The following CDH13 variants were observed in gnomAD, a reference collection of about 807,000 sequenced individuals.
The protein encoded by CDH13 is cadherin-13.
Under a neutral mutation model 63.8 loss-of-function variants are expected in CDH13, and 24 were observed. That is an observed-to-expected ratio of 0.38 (90% confidence interval 0.27 to 0.53). The LOEUF (loss-of-function observed/expected upper bound fraction) is 0.53, where lower values mean the gene tolerates loss of function less well. Among genes scored for constraint, CDH13 ranks in the 20% least tolerant of loss-of-function variants. The pLI is 0.85. For synonymous variants in CDH13, 503 were observed against 355.3 expected, an observed-to-expected ratio of 1.42 and a Z score of -4.67; for missense variants, 1,049 against 903.1, an observed-to-expected ratio of 1.16 and a Z score of -2.07.
At chr16:83,513,207 TCAAA>T (rs2074616164) in intron 7 of CDH13, among the ~76,000 whole-genome samples, 1 of 152,080 alleles carries the variant, frequency 6.6e-6, no homozygotes, top group Non-Finnish European at 1.5e-5. Context: ...CTTCAAAGCA[TCAAA>T]CAAAGATCCA....
intron 4 of CDH13, among the ~76,000 whole-genome samples, chr16:83,178,678 G>T (rs1201379670): frequency 6.6e-6 from 1 of 152,142 alleles, no homozygotes; most frequent in Non-Finnish European, 1.5e-5. Context: ...CTGTGTTCAT[G>T]AATAACGCTT....
chr16:83,784,308 C>G (rs1000669839), intron 13 of CDH13, among the ~76,000 whole-genome samples: 2 of 152,082 alleles, frequency 1.3e-5, no homozygotes, highest in Admixed American at 1.3e-4. Context: ...ATATAAAGCT[C>G]TGTGCAAGAC....
chr16:83,712,042 C>A (rs1908138617), intron 10 of CDH13, among the ~76,000 whole-genome samples: 1 of 152,238 alleles, frequency 6.6e-6, no homozygotes, highest in Non-Finnish European at 1.5e-5. Context: ...AGTCTTCCCT[C>A]TCTGTCTGTC....
intron 7 of CDH13, among the ~76,000 whole-genome samples, chr16:83,549,389 G>A (rs542445337): frequency 2.6e-5 from 4 of 152,278 alleles, no homozygotes; most frequent in East Asian, 3.9e-4. Flanking sequence ...CCACATCAGC[G>A]TTTTGAACAA....
chr16:83,528,172 T>G (rs2075004965), intron 7 of CDH13, among the ~76,000 whole-genome samples: 1 of 152,208 alleles, frequency 6.6e-6, no homozygotes, highest in South Asian at 2.1e-4. Context: ...ATATTCAGCT[T>G]TAATCACACT....
At chr16:83,027,429 AG>A (rs955869724) in intron 2 of CDH13, among the ~76,000 whole-genome samples, 1 of 152,206 alleles carries the variant, frequency 6.6e-6, no homozygotes, top group Admixed American at 6.5e-5. Context: ...AACAGGGTGA[AG>A]AAGGTGAGAA....
intron 8 of CDH13, among the ~76,000 whole-genome samples, chr16:83,618,246 G>A (rs1473956909): frequency 6.6e-6 from 1 of 151,742 alleles, no homozygotes; most frequent in Non-Finnish European, 1.5e-5. Flanking sequence ...GCAACATAGT[G>A]AAACCTTGTC....
At chr16:82,719,730 C>A (rs1042237325) in intron 1 of CDH13, among the ~76,000 whole-genome samples, 1 of 151,356 alleles carries the variant, frequency 6.6e-6, no homozygotes, top group Non-Finnish European at 1.5e-5. Context: ...TCTATAATCC[C>A]GGCTACTCGG....
intron 4 of CDH13, among the ~76,000 whole-genome samples, chr16:83,212,371 G>A (rs776319519): frequency 6.6e-6 from 1 of 152,222 alleles, no homozygotes; most frequent in East Asian, 1.9e-4. Context: ...CTTCCTCCTG[G>A]ATCTAAACTA....
chr16:83,198,246 T>C (rs911674855), intron 4 of CDH13, among the ~76,000 whole-genome samples: 1 of 152,068 alleles, frequency 6.6e-6, no homozygotes, highest in African/African-American at 2.4e-5. Context: ...GCACTCTTTT[T>C]AGTATATTCT....
intron 4 of CDH13, among the ~76,000 whole-genome samples, chr16:83,171,967 C>G (rs543630501): frequency 3.3e-5 from 5 of 152,196 alleles, no homozygotes; most frequent in Non-Finnish European, 7.4e-5. Context: ...GGACATTAGC[C>G]CCATTCTCAG....
intron 3 of CDH13, among the ~76,000 whole-genome samples, chr16:83,080,780 G>A (rs188108183): frequency 1.3e-5 from 2 of 150,626 alleles, no homozygotes; most frequent in African/African-American, 4.9e-5. Flanking sequence ...TACATGAATA[G>A]TATGGGAATC....
intron 3 of CDH13, among the ~76,000 whole-genome samples, chr16:83,081,759 TTCCATCA>T (rs1390380344): frequency 6.6e-6 from 1 of 151,804 alleles, no homozygotes; most frequent in Non-Finnish European, 1.5e-5. Flanking sequence ...ATGGTACTAA[TTCCATCA>T]TCGGGTTCCA....
intron 1 of CDH13, among the ~76,000 whole-genome samples, chr16:82,635,767 T>A (rs758286887): frequency 7.2e-5 from 11 of 152,264 alleles, no homozygotes; most frequent in Middle Eastern, 3.4e-3. Flanking sequence ...CATATTGTAA[T>A]CCCTAATGTT....
At position 83,015,677 on chromosome 16, in the gene CDH13, GTATATATA is replaced by G. The variant is rs71148803; in HGVS notation, c.158-16294_158-16287del. On this transcript the variant is annotated intron_variant, in intron 2 of 13. Transcript: ENST00000567109. ...CATATATGTGTGTGTGTGTGTGTAT[GTATATATA>G]TATATATATATATATATATATATAT... 0.012 allele frequency among the ~76,000 whole-genome samples: 467 copies of G among 37,560 alleles called. 11 individuals are homozygous for G. In the Middle Eastern group the frequency reaches 0.13, roughly 11 times the overall value. The allele number at this position is 37,560 out of a possible 152,430, so 24.6% of individuals were successfully genotyped here.
chr16:83,133,408 C>T (rs2036144022), intron 4 of CDH13, among the ~76,000 whole-genome samples: 1 of 151,808 alleles, frequency 6.6e-6, no homozygotes. Context: ...AACGTGGCTG[C>T]CAGAAAAGTA....
intron 2 of CDH13, among the ~76,000 whole-genome samples, chr16:83,016,117 C>G (rs900738712): frequency 6.6e-6 from 1 of 152,044 alleles, no homozygotes; most frequent in African/African-American, 2.4e-5. Flanking sequence ...TGCCATATGG[C>G]CTAAGGGATG....
At chr16:83,663,963 C>A (rs1913690690) in intron 8 of CDH13, among the ~76,000 whole-genome samples, 2 of 149,634 alleles carry the variant, frequency 1.3e-5, no homozygotes, top group Admixed American at 6.7e-5. Flanking sequence ...AGTTTGAGAC[C>A]AGCCTGGGCA....
chr16:83,075,674 A>G (rs2032783592), intron 3 of CDH13, among the ~76,000 whole-genome samples: 1 of 152,202 alleles, frequency 6.6e-6, no homozygotes, highest in South Asian at 2.1e-4. Flanking sequence ...CGGCAAAGTA[A>G]TTACAAGGAA....
Sources: gnomAD v4.1 joint callset for allele counts (sites outside exome capture counted in the v4.1 genomes callset) on GRCh38, gnomAD v4.1.1 for gene constraint, MANE v1.5 for transcripts, NCBI Gene and HGNC (gene_info 2026-07-23, HGNC 2026-07-21) for gene names.